USP32: variants seen among roughly 807,000 people sequenced by gnomAD.
USP32 encodes the protein ubiquitin carboxyl-terminal hydrolase 32.
USP32 carries 59 observed loss-of-function variants against 204.8 expected under a neutral mutation model. The observed-to-expected ratio is 0.29, with a 90% CI of 0.23 to 0.36. The LOEUF is 0.36. USP32 is among the 10% of genes least tolerant of loss of function. The pLI is 1.00. For synonymous variants in USP32, 517 were observed against 678.4 expected (o/e 0.76, Z 3.70); for missense variants, 1,160 against 1,946.4 (o/e 0.60, Z 7.60).
intron 9 of USP32, 121 bp downstream of exon 9, chr17:60,265,291 T>C (rs2145764811): frequency 1.7e-6 from 1 of 589,570 alleles, no homozygotes; most frequent in African/African-American, 1.9e-5. Context: ...TACCCACAGG[T>C]CCAGATAAGT....
chr17:60,239,389 G>A (rs1451578261), intron 11 of USP32, among the ~76,000 whole-genome samples: 1 of 152,126 alleles, frequency 6.6e-6, no homozygotes, highest in Non-Finnish European at 1.5e-5. Context: ...AGAAGTTTAG[G>A]ACAATTATTT....
chr17:60,334,527 C>T (rs1376783130), intron 2 of USP32, among the ~76,000 whole-genome samples: 2 of 151,626 alleles, frequency 1.3e-5, no homozygotes. Flanking sequence ...CTCGTCTCTA[C>T]TAAAAATACA....
chr17:60,231,437 A>G, intron 12 of USP32: 1 of 403,844 alleles, frequency 2.5e-6, no homozygotes, highest in South Asian at 1.9e-5. Flanking sequence ...GCAATTATAA[A>G]ACCTAAGGAC....
intron 11 of USP32, chr17:60,245,537 T>C: frequency 6.5e-6 from 2 of 309,934 alleles, no homozygotes; most frequent in South Asian, 3.2e-5. Flanking sequence ...TACCTCTGGG[T>C]TTCTGTCAGT....
chr17:60,392,390 T>A (rs1233868584), upstream of USP32: 1 of 259,406 alleles, frequency 3.9e-6, no homozygotes, highest in Non-Finnish European at 7.7e-6. Context: ...TAACGCATCG[T>A]CCCATCTTCC....
chr17:60,216,577 T>G (rs1209284737), intron 16 of USP32, among the ~76,000 whole-genome samples: 1 of 152,292 alleles, frequency 6.6e-6, no homozygotes, highest in Non-Finnish European at 1.5e-5. Context: ...AGAAAAGGAA[T>G]TCCCTCACCT....
At chr17:60,226,002 T>A (rs201856017) in intron 13 of USP32, 37 bp downstream of exon 13, 156 of 1,432,988 alleles carry the variant, frequency 1.1e-4, no homozygotes, top group Middle Eastern at 4.0e-4. Flanking sequence ...CCAGGGGGAA[T>A]AAACCAATAA....
At chr17:60,290,714 T>G (rs1598203079) in intron 4 of USP32, among the ~76,000 whole-genome samples, 3 of 149,126 alleles carry the variant, frequency 2.0e-5, no homozygotes, top group African/African-American at 5.0e-5. Context: ...CACAGCTGGG[T>G]GGGGGGCTGC....
chr17:60,382,592 T>A (rs1236108704), intron 1 of USP32, among the ~76,000 whole-genome samples: 1 of 152,160 alleles, frequency 6.6e-6, no homozygotes, highest in Non-Finnish European at 1.5e-5. Context: ...ATCATAAAAT[T>A]TAATTTAAAA....
At chr17:60,265,940 T>C in intron 8 of USP32, 36 bp downstream of exon 8, 2 of 1,503,546 alleles carry the variant, frequency 1.3e-6, no homozygotes, top group Non-Finnish European at 1.8e-6. Context: ...CCATTGGAAG[T>C]TTATACGCAA....
At chr17:60,203,630 G>A (rs2084745910) in intron 26 of USP32, among the ~76,000 whole-genome samples, 1 of 151,934 alleles carries the variant, frequency 6.6e-6, no homozygotes, top group Non-Finnish European at 1.5e-5. Context: ...AGGCTGGAGT[G>A]CAATGGCACG....
intron 11 of USP32, among the ~76,000 whole-genome samples, chr17:60,240,813 T>C (rs2085858088): frequency 6.6e-6 from 1 of 152,218 alleles, no homozygotes. Context: ...CATTCTATTA[T>C]ATGCCTCAAT....
chr17:60,372,061 G>T (rs1019423323), intron 1 of USP32, among the ~76,000 whole-genome samples: 3 of 152,204 alleles, frequency 2.0e-5, no homozygotes, highest in Non-Finnish European at 4.4e-5. Context: ...AGGGAGAGGG[G>T]AAGGGGAAGT....
At chr17:60,386,867 T>A (rs1166576706) in intron 1 of USP32, among the ~76,000 whole-genome samples, 1 of 152,178 alleles carries the variant, frequency 6.6e-6, no homozygotes, top group Non-Finnish European at 1.5e-5. Context: ...ACAGTGAAAT[T>A]AGTGAAACAG....
chr17:60,198,645 T>C (rs112464113), intron 26 of USP32, among the ~76,000 whole-genome samples: 6,209 of 152,332 alleles, frequency 0.041, 443 homozygotes, highest in African/African-American at 0.14. Context: ...GGCTGAGGTA[T>C]TGCCAGTTTT....
At chr17:60,182,505 G>A (rs1421570123) in intron 31 of USP32, among the ~76,000 whole-genome samples, 10 of 152,170 alleles carry the variant, frequency 6.6e-5, no homozygotes, top group African/African-American at 2.4e-4. Flanking sequence ...GCTCACACCT[G>A]TAATCCCAGC....
In USP32 at chr17:60,398,840, G is replaced by T. The variant is rs376705882; in HGVS notation, c.106+23406C>A. Among the ~76,000 whole-genome samples, 99 of 152,142 alleles carry T rather than the reference G, an allele frequency of 6.5e-4. 1 individual carries two copies. Among genetic ancestry groups the T allele is most frequent in the African/African-American group, 2.2e-3 (93 of 41,500 alleles). ...AAAAAAAAAAAATTTAATTAGCTGG[G>T]TGTAGTGGTGTGTGCCTTCGGTCCC... On this transcript the variant is annotated intron_variant, in intron 1 of 3. Coordinates refer to the USP32 transcript ENST00000588898.
chr17:60,324,458 C>T (rs1034270638), intron 2 of USP32, among the ~76,000 whole-genome samples: 1 of 151,976 alleles, frequency 6.6e-6, no homozygotes, highest in Non-Finnish European at 1.5e-5. Flanking sequence ...ATTTCCCCTA[C>T]CCCTGAGATC....
At chr17:60,383,168 C>G (rs2089674638) in intron 1 of USP32, among the ~76,000 whole-genome samples, 1 of 150,888 alleles carries the variant, frequency 6.6e-6, no homozygotes, top group Non-Finnish European at 1.5e-5. Context: ...ATCGCCTCAA[C>G]CCAGGAGGTA....
Sources: gnomAD v4.1 joint callset for allele counts (sites outside exome capture counted in the v4.1 genomes callset) on GRCh38, gnomAD v4.1.1 for gene constraint, MANE v1.5 for transcripts, NCBI Gene and HGNC (gene_info 2026-07-23, HGNC 2026-07-21) for gene names.